Variants in SPIDR observed in about 807,000 individuals in gnomAD.
SPIDR encodes DNA repair-scaffolding protein.
Under a neutral mutation model 104.6 loss-of-function variants are expected in SPIDR, and 93 were observed. That is an observed-to-expected ratio of 0.89 (90% CI 0.75 to 1.06). SPIDR has a LOEUF of 1.06. Among genes scored for constraint, SPIDR ranks in the 50% least tolerant of loss-of-function variants. The pLI is 0.00. For missense variants in SPIDR, 1,154 were observed against 1,111.2 expected (o/e 1.04, Z -0.55); for synonymous variants, 431 against 416.9 (o/e 1.03, Z -0.41).
At chr8:47,403,603 T>C (rs1210748793) in intron 6 of SPIDR, among the ~76,000 whole-genome samples, 1 of 152,170 alleles carries the variant, frequency 6.6e-6, no homozygotes, top group Non-Finnish European at 1.5e-5. Flanking sequence ...CCATTCACAA[T>C]TGCTTCAAAA....
rs2056146221 is a variant in SPIDR, at chr8:47,362,221, A to AT, written c.526-34153dup. ...GGCCTATGGTGCCACAGCCTGAGAG[A>AT]TTCTGCTGAGAGTGTGACTGCCTTT... On this transcript the variant is annotated intron_variant, in intron 5 of 19. Transcript: ENST00000297423. Among the ~76,000 whole-genome samples, 5 of 152,194 alleles carry AT rather than the reference A, an allele frequency of 3.3e-5. No individual in the cohort carries two copies. The South Asian group carries it at 1.0e-3, about 31-fold the overall frequency.
intron 8 of SPIDR, chr8:47,511,461 A>G: frequency 1.3e-6 from 1 of 779,994 alleles, no homozygotes; most frequent in Non-Finnish European, 2.4e-6. Flanking sequence ...TCGCCTGTCC[A>G]CTGTGAGCTA....
At chr8:47,275,186 G>C (rs935196883) in intron 1 of SPIDR, among the ~76,000 whole-genome samples, 1 of 151,720 alleles carries the variant, frequency 6.6e-6, no homozygotes, top group African/African-American at 2.4e-5. Context: ...GTGAACCCGG[G>C]AGGTGGAGCT....
At chr8:47,497,820 T>C (rs1031344448) in intron 8 of SPIDR, among the ~76,000 whole-genome samples, 2 of 152,162 alleles carry the variant, frequency 1.3e-5, no homozygotes, top group African/African-American at 4.8e-5. Flanking sequence ...CTACAGTCCA[T>C]CTGGTCTTTC....
intron 8 of SPIDR, among the ~76,000 whole-genome samples, chr8:47,515,869 G>A (rs1243807644): frequency 1.3e-5 from 2 of 152,200 alleles, no homozygotes; most frequent in African/African-American, 4.8e-5. Flanking sequence ...GGAGTGCAGT[G>A]GTGTGATCTT....
intron 5 of SPIDR, among the ~76,000 whole-genome samples, chr8:47,340,259 C>T (rs115146225): frequency 4.3e-4 from 66 of 152,128 alleles, no homozygotes; most frequent in African/African-American, 1.5e-3. Flanking sequence ...GAGATATAAC[C>T]GTGGGACTCG....
chr8:47,601,483 CAG>C (rs949643148), intron 10 of SPIDR, among the ~76,000 whole-genome samples: 21 of 152,112 alleles, frequency 1.4e-4, no homozygotes, highest in South Asian at 4.1e-4. Context: ...ATCTCGAGGT[CAG>C]GGGATCGAGA....
chr8:47,486,900 C>T (rs2077724247), intron 8 of SPIDR, among the ~76,000 whole-genome samples: 1 of 152,200 alleles, frequency 6.6e-6, no homozygotes, highest in South Asian at 2.1e-4. Context: ...AAAAACATGC[C>T]AAATTGTAAA....
chr8:47,333,913 G>A (rs1447803133), intron 5 of SPIDR, among the ~76,000 whole-genome samples: 8 of 152,150 alleles, frequency 5.3e-5, no homozygotes, highest in South Asian at 2.1e-4. Flanking sequence ...CTGTATATGC[G>A]TTTAGTGCTA....
At chr8:47,661,666 A>G (rs2074128850) in intron 10 of SPIDR, among the ~76,000 whole-genome samples, 1 of 152,356 alleles carries the variant, frequency 6.6e-6, no homozygotes, top group Non-Finnish European at 1.5e-5. Flanking sequence ...GCACAACCAC[A>G]CACAGTGAGC....
At position 47,293,864 on chromosome 8, in the gene SPIDR, T is replaced by C; in HGVS notation, c.362-3T>C. 6.3e-7 allele frequency: 1 copy of C among 1,598,440 alleles called. No individual in the cohort carries two copies. The highest frequency in any genetic ancestry group is 8.5e-7 in the Non-Finnish European group (1 of 1,172,428). ...TAAGCAAGTTAAAAATTATATTTTTTAGATGAATTACAGTTTATCGACTGG... is the reference window on the plus strand; with the variant it reads ...TAAGCAAGTTAAAAATTATATTTTTCAGATGAATTACAGTTTATCGACTGG... On this transcript the variant is annotated splice_region_variant and splice_polypyrimidine_tract_variant and intron_variant, in intron 4 of 19. Transcript: ENST00000297423.
intron 8 of SPIDR, among the ~76,000 whole-genome samples, chr8:47,502,590 C>G (rs1470750560): frequency 6.6e-6 from 1 of 152,140 alleles, no homozygotes; most frequent in African/African-American, 2.4e-5. Context: ...AAACCCAGCT[C>G]CTGGATTCAT....
intron 8 of SPIDR, among the ~76,000 whole-genome samples, chr8:47,558,153 AG>A (rs1351918706): frequency 1.3e-5 from 2 of 152,092 alleles, no homozygotes; most frequent in Non-Finnish European, 2.9e-5. Context: ...ACCCCAAAAG[AG>A]GGGAGGGAGG....
chr8:47,268,220 A>G (rs1420399874), intron 1 of SPIDR, among the ~76,000 whole-genome samples: 1 of 152,168 alleles, frequency 6.6e-6, no homozygotes, highest in African/African-American at 2.4e-5. Flanking sequence ...TTATTCTAGT[A>G]CCATACTGTT....
chr8:47,427,377 T>G lies in SPIDR; in HGVS notation c.878-12946T>G, dbSNP rs1274845902. Among the ~76,000 whole-genome samples the G allele has an allele frequency of 2.0e-5, 3 of 152,006 alleles. 1 individual carries two copies. Among genetic ancestry groups the G allele is most frequent in the Non-Finnish European group, 4.4e-5 (3 of 67,956 alleles). ...AAATCAAATATTGTTTTTACCATTA[T>G]AGGGAGATAGATGTGAAGTGATAGA... is the stretch of plus-strand genomic sequence containing the variant. On this transcript the variant is annotated intron_variant, in intron 7 of 19. Transcript: ENST00000297423.
intron 5 of SPIDR, among the ~76,000 whole-genome samples, chr8:47,360,465 A>G (rs2055626140): frequency 6.6e-6 from 1 of 152,000 alleles, no homozygotes. Flanking sequence ...GATCTATTTT[A>G]ACTATATTAC....
rs1336576668 is a variant in SPIDR, at chr8:47,313,040, A to G, written c.525+19010A>G. Among the ~76,000 whole-genome samples the G allele has an allele frequency of 8.5e-5, 13 of 152,210 alleles. No individual in the cohort carries two copies. The East Asian group carries it at 2.5e-3, about 29-fold the overall frequency. Reference sequence around the variant, plus strand: ...CTCTCTCACCACTCCTATTCAACATAGTGTTGGAAGTTCTGGCCAGGGCAG... The same window carrying G: ...CTCTCTCACCACTCCTATTCAACATGGTGTTGGAAGTTCTGGCCAGGGCAG... On this transcript the variant is annotated intron_variant, in intron 5 of 19. Transcript: ENST00000297423.
At chr8:47,352,388 A>G (rs564810888) in intron 5 of SPIDR, among the ~76,000 whole-genome samples, 202 of 152,272 alleles carry the variant, frequency 1.3e-3, no homozygotes, top group Non-Finnish European at 2.4e-3. Flanking sequence ...TTATATGTCT[A>G]TGTGTCTTAG....
At chr8:47,375,619 G>GT (rs1386100864) in intron 5 of SPIDR, among the ~76,000 whole-genome samples, 3 of 152,150 alleles carry the variant, frequency 2.0e-5, no homozygotes, top group African/African-American at 4.8e-5. Context: ...ATTGTTCCAT[G>GT]TTCTCAAGCT....
Sources: allele counts gnomAD v4.1 joint callset (sites outside exome capture counted in the v4.1 genomes callset), GRCh38; gene constraint gnomAD v4.1.1; transcripts MANE v1.5; gene names NCBI Gene and HGNC (gene_info 2026-07-23, HGNC 2026-07-21).